Variants in NELL2 observed in about 807,000 individuals in gnomAD.
NELL2 encodes the protein neural EGFL like 2.
NELL2 carries 41 observed loss-of-function variants against 109.6 expected under a neutral mutation model. The ratio of observed to expected loss-of-function variants is 0.37; its 90% CI spans 0.29 to 0.49. NELL2 has a LOEUF of 0.49. Among genes scored for constraint, NELL2 ranks in the 20% least tolerant of loss-of-function variants. The pLI, the probability that NELL2 is intolerant of heterozygous loss-of-function variation, is 0.98. For missense variants in NELL2, 900 were observed against 1,008.3 expected, an observed-to-expected ratio of 0.89 and a Z score of 1.45; for synonymous variants, 355 against 344.7, an observed-to-expected ratio of 1.03 and a Z score of -0.33.
At chr12:44,594,861 C>G (rs536157401) in intron 15 of NELL2, among the ~76,000 whole-genome samples, 2 of 151,958 alleles carry the variant, frequency 1.3e-5, no homozygotes, top group East Asian at 3.9e-4. Flanking sequence ...TACAAAGTTA[C>G]CAGTGTAAAA....
chr12:44,750,515 G>C (rs571140402), intron 9 of NELL2, among the ~76,000 whole-genome samples: 1 of 152,200 alleles, frequency 6.6e-6, no homozygotes, highest in South Asian at 2.1e-4. Flanking sequence ...CTATGAACAG[G>C]TAAGGATTAC....
At chr12:44,587,284 A>AAAAAAATAT in intron 15 of NELL2, among the ~76,000 whole-genome samples, 163 of 72,130 alleles carry the variant, frequency 2.3e-3, no homozygotes, top group South Asian at 6.9e-3. Flanking sequence ...AAAAAAAAAA[A>AAAAAAATAT]ATATATATAT....
At chr12:44,676,038 T>C (rs1431559181) in intron 12 of NELL2, among the ~76,000 whole-genome samples, 1 of 152,148 alleles carries the variant, frequency 6.6e-6, no homozygotes, top group Non-Finnish European at 1.5e-5. Context: ...GATTATATCC[T>C]GTAAAAAGAT....
Position 44,644,604 on chromosome 12 carries a change from G to GTGTATATATATATATATA in NELL2, c.1444+20879_1444+20880insTATATATATATATATACA, listed in dbSNP as rs1241074750. ...AGTATATATATATATATATATATAT[G>GTGTATATATATATATATA]TATGTATATATATATATATATACAT... On this transcript the variant is annotated intron_variant, in intron 13 of 19. Coordinates refer to ENST00000429094, the MANE Select transcript of NELL2 (RefSeq NM_001145108.2). 4.4e-4 allele frequency among the ~76,000 whole-genome samples: 36 copies of GTGTATATATATATATATA among 81,234 alleles called. 1 individual carries two copies. Among genetic ancestry groups the GTGTATATATATATATATA allele is most frequent in the African/African-American group, 1.8e-3 (33 of 17,912 alleles). The allele number at this position is 81,234 out of a possible 152,430, so 53.3% of individuals were successfully genotyped here. A position where few individuals can be genotyped will look rare whatever the true frequency, so the allele number is the denominator to read the frequency against.
Position 44,656,538 on chromosome 12 carries a change from A to G in NELL2, c.1444+8946T>C, listed in dbSNP as rs563823108. On this transcript the variant is annotated intron_variant, in intron 13 of 19. Transcript: ENST00000429094. The stretch of plus-strand genomic sequence containing the variant: ...CATAAGAGTCACAATAAAAACAGCT[A>G]GTGTTCATTAAACATTTCTTTTGCA... 3.9e-5 allele frequency among the ~76,000 whole-genome samples: 6 copies of G among 152,348 alleles called. No individual in the cohort carries two copies. The East Asian group carries it at 1.2e-3, about 29-fold the overall frequency.
chr12:44,810,905 CAGA>C, intron 3 of NELL2, among the ~76,000 whole-genome samples: 1 of 152,088 alleles, frequency 6.6e-6, no homozygotes, highest in Admixed American at 6.5e-5. Flanking sequence ...CAACTGTAAT[CAGA>C]AGCAGTAAAT....
chr12:44,755,042 A>G (rs1265571108), intron 9 of NELL2, among the ~76,000 whole-genome samples: 2 of 152,156 alleles, frequency 1.3e-5, no homozygotes, highest in Non-Finnish European at 2.9e-5. Flanking sequence ...CTCTTTTCAC[A>G]TAACTACACA....
chr12:44,837,920 T>C (rs1299131108), intron 2 of NELL2, among the ~76,000 whole-genome samples: 1 of 152,212 alleles, frequency 6.6e-6, no homozygotes, highest in African/African-American at 2.4e-5. Flanking sequence ...TTTATTATAA[T>C]ACCCTAAAAT....
chr12:44,767,873 G>A (rs1362450234), intron 9 of NELL2, among the ~76,000 whole-genome samples: 1 of 152,056 alleles, frequency 6.6e-6, no homozygotes, highest in Non-Finnish European at 1.5e-5. Flanking sequence ...AGAATAGGGA[G>A]GTGTTTATGT....
chr12:44,808,963 A>C (rs1943089471), intron 3 of NELL2, among the ~76,000 whole-genome samples: 1 of 152,082 alleles, frequency 6.6e-6, no homozygotes, highest in African/African-American at 2.4e-5. Context: ...CTATTGCCAC[A>C]AATTATCTCC....
In NELL2 at chr12:44,607,201, G is replaced by A. The variant is rs1945441621; in HGVS notation, c.1631C>T (p.Pro544Leu). The A allele has an allele frequency of 6.2e-7, 1 of 1,612,540 alleles. No homozygotes were observed. Residue 544 changes from proline to leucine, a missense_variant, in exon 15 of 20, where the codon CCA (proline) becomes CTA (leucine). Physicochemically the swap from Pro to Leu is moderately conservative, Grantham distance 98. Coordinates refer to ENST00000429094, the MANE Select transcript of NELL2 (RefSeq NM_001145108.2). ...ACAGCTGGGTCCAGTGAAGCCTTGT[G>A]GGCAGGCACACACATTAGCGGCAAT... ...ACIAANVCAC[P>L]QGFTGPSCET...
intron 3 of NELL2, among the ~76,000 whole-genome samples, chr12:44,798,712 A>T (rs1246438285): frequency 2.0e-5 from 3 of 152,112 alleles, no homozygotes; most frequent in African/African-American, 4.8e-5. Flanking sequence ...ATGCTACCAC[A>T]TCTAAAATTT....
At chr12:44,678,448 A>G (rs1291416698) in intron 12 of NELL2, among the ~76,000 whole-genome samples, 1 of 152,006 alleles carries the variant, frequency 6.6e-6, no homozygotes, top group Non-Finnish European at 1.5e-5. Flanking sequence ...TCACTTCTGG[A>G]GTCCAGTCTT....
At chr12:44,710,991 T>G (rs947820606) in intron 11 of NELL2, among the ~76,000 whole-genome samples, 1 of 152,126 alleles carries the variant, frequency 6.6e-6, no homozygotes, top group Non-Finnish European at 1.5e-5. Context: ...TGTGTAACTT[T>G]CTTTAGCAAA....
At chr12:44,697,902 G>A (rs1949111937) in intron 12 of NELL2, among the ~76,000 whole-genome samples, 1 of 152,166 alleles carries the variant, frequency 6.6e-6, no homozygotes, top group Non-Finnish European at 1.5e-5. Flanking sequence ...AAATCAAGGT[G>A]TTGACAGGAT....
intron 2 of NELL2, chr12:44,851,567 T>C (rs1349291030): frequency 1.3e-5 from 2 of 152,220 alleles, no homozygotes; most frequent in African/African-American, 4.8e-5. Flanking sequence ...TCATTTTTAC[T>C]ACCAGTAATT....
At position 44,779,813 on chromosome 12, in the gene NELL2, A is replaced by C. The variant is rs1444024374; in HGVS notation, c.509+36T>G. On this transcript the variant is annotated intron_variant, in intron 4 of 19. Coordinates refer to ENST00000429094, the MANE Select transcript of NELL2 (RefSeq NM_001145108.2). ...CGTGAGTAGACAGTCATTTCTTAGA[A>C]TCTTCCATTTCCTAAAATGAGGACA... 4 of 1,613,348 alleles carry C rather than the reference A, an allele frequency of 2.5e-6. No individual in the cohort carries two copies. The Admixed American group carries it at 5.0e-5, about 20-fold the overall frequency.
intron 15 of NELL2, among the ~76,000 whole-genome samples, chr12:44,580,326 G>A (rs1469912573): frequency 2.0e-5 from 3 of 152,102 alleles, no homozygotes; most frequent in African/African-American, 4.8e-5. Flanking sequence ...AGAGTAAGGA[G>A]CAGCCCGCTA....
rs557357689 is a variant in NELL2, at chr12:44,745,565, C to T, written c.994+29182G>A. ...ATCTAGAAAACCCAATCGTCTCAGC[C>T]CAAAATCTCCTCAAGCTGATAAGCA... On this transcript the variant is annotated intron_variant, in intron 9 of 19. Coordinates refer to ENST00000429094, the MANE Select transcript of NELL2 (RefSeq NM_001145108.2). Among the ~76,000 whole-genome samples the T allele has an allele frequency of 2.0e-5, 3 of 152,156 alleles. No homozygotes were observed. The East Asian group carries it at 5.8e-4, about 29-fold the overall frequency.
Sources: gnomAD v4.1 joint callset for allele counts (sites outside exome capture counted in the v4.1 genomes callset) on GRCh38, gnomAD v4.1.1 for gene constraint, MANE v1.5 for transcripts, NCBI Gene and HGNC (gene_info 2026-07-23, HGNC 2026-07-21) for gene names.